Variants in VWC2 observed in about 807,000 individuals in gnomAD.
VWC2 encodes the protein brorin.
VWC2 carries 14 observed loss-of-function variants against 29.8 expected under a neutral mutation model. That is an observed-to-expected ratio of 0.47 (90% CI 0.31 to 0.74). The LOEUF is 0.74. VWC2 is among the 30% of genes least tolerant of loss of function. The pLI, the probability that VWC2 is intolerant of heterozygous loss-of-function variation, is 0.05. For missense variants in VWC2, 457 were observed against 459.8 expected (o/e 0.99, Z 0.05); for synonymous variants, 213 against 199.0 (o/e 1.07, Z -0.59).
chr7:49,784,311 GT>G (rs1788247428), intron 2 of VWC2, among the ~76,000 whole-genome samples: 1 of 152,254 alleles, frequency 6.6e-6, no homozygotes, highest in South Asian at 2.1e-4. Context: ...AGTCTCCATT[GT>G]CTGTCATTTC....
intron 3 of VWC2, among the ~76,000 whole-genome samples, chr7:49,859,571 C>T (rs1425068028): frequency 2.0e-5 from 3 of 152,204 alleles, no homozygotes; most frequent in African/African-American, 7.2e-5. Flanking sequence ...CATGTGGCTA[C>T]TTTTACATAT....
At chr7:49,806,591 G>A (rs17133507) in intron 3 of VWC2, among the ~76,000 whole-genome samples, 16,769 of 152,162 alleles carry the variant, frequency 0.11, 992 homozygotes, top group African/African-American at 0.13. Context: ...TTAAACATAC[G>A]TTCATGGGAA....
At chr7:49,850,124 G>C (rs1790117905) in intron 3 of VWC2, among the ~76,000 whole-genome samples, 1 of 152,166 alleles carries the variant, frequency 6.6e-6, no homozygotes, top group East Asian at 1.9e-4. Flanking sequence ...GCATGGTGCT[G>C]CAGGAAAACA....
chr7:49,836,162 A>AT (rs1387441252), intron 3 of VWC2, among the ~76,000 whole-genome samples: 3 of 152,192 alleles, frequency 2.0e-5, no homozygotes, highest in Non-Finnish European at 4.4e-5. Context: ...TGGATAGAAT[A>AT]TTTTAGGCAG....
intron 2 of VWC2, among the ~76,000 whole-genome samples, chr7:49,785,814 T>C (rs1381439262): frequency 6.6e-6 from 1 of 152,088 alleles, no homozygotes; most frequent in Non-Finnish European, 1.5e-5. Context: ...CTTTATACAA[T>C]AGAGAGCTGA....
At chr7:49,779,113 C>A (rs558479989) in intron 2 of VWC2, among the ~76,000 whole-genome samples, 2 of 152,130 alleles carry the variant, frequency 1.3e-5, no homozygotes, top group Non-Finnish European at 2.9e-5. Flanking sequence ...GCTTGACCCT[C>A]TTTGAGCAGT....
At position 49,830,967 on chromosome 7, in the gene VWC2, C is replaced by T. The variant is rs113914893; in HGVS notation, c.826+28127C>T. Among the ~76,000 whole-genome samples, 941 of 152,146 alleles carry T rather than the reference C, an allele frequency of 6.2e-3. 12 individuals carry two copies. The highest frequency in any genetic ancestry group is 0.021 in the African/African-American group (853 of 41,474). On this transcript the variant is annotated intron_variant, in intron 3 of 3. Transcript: ENST00000340652. The stretch of plus-strand genomic sequence containing the variant: ...AAGTCTTTGCTATTGTGAATAGTGC[C>T]GCACTATTTCTTTCTATTCAGTTGT...
intron 2 of VWC2, among the ~76,000 whole-genome samples, chr7:49,796,998 C>T (rs1293848821): frequency 2.6e-5 from 4 of 152,126 alleles, no homozygotes. Flanking sequence ...CTCTATTACC[C>T]ACTCCTACTT....
Position 49,913,472 on chromosome 7 carries a change from AACTATAATC to A in VWC2, c.*1293_*1301del, listed in dbSNP as rs1562771820. On this transcript the variant is annotated 3_prime_UTR_variant, in exon 4 of 4. Transcript: ENST00000340652. ...AATAGGTGTAGGATAAAAAAAGCAA[AACTATAATC>A]ACTATTAATGTCTTTAAAGGATTAA... The A allele has an allele frequency of 6.6e-6, 1 of 152,216 alleles. No homozygotes were observed. Among genetic ancestry groups the A allele is most frequent in the African/African-American group, 2.4e-5 (1 of 41,458 alleles). 9.4% of individuals were successfully genotyped at this position (152,216 alleles called of 1,614,324 possible).
intron 3 of VWC2, among the ~76,000 whole-genome samples, chr7:49,822,551 G>A (rs1265009657): frequency 6.6e-6 from 1 of 152,144 alleles, no homozygotes; most frequent in Non-Finnish European, 1.5e-5. Flanking sequence ...TGATTCTCCT[G>A]CCTCAGCCTC....
intron 3 of VWC2, among the ~76,000 whole-genome samples, chr7:49,896,461 T>A (rs6957719): frequency 0.77 from 116,405 of 152,086 alleles, 44,727 homozygotes; most frequent in East Asian, 0.89. Flanking sequence ...AAATCAATAA[T>A]TAAGTTCCTA....
rs528625455 is a variant in VWC2, at chr7:49,880,556, A to AT, written c.827-31472dup. ...TTTTCATCAATTTTTATAAATTGTG[A>AT]TTTTTTATCATTTCTATTTTTTATT... On this transcript the variant is annotated intron_variant, in intron 3 of 3. Coordinates refer to ENST00000340652, the MANE Select transcript of VWC2 (RefSeq NM_198570.5). Among the ~76,000 whole-genome samples the AT allele has an allele frequency of 2.5e-4, 38 of 151,044 alleles. No individual in the cohort carries two copies. In the East Asian group the frequency reaches 6.0e-3, roughly 24 times the overall value.
At chr7:49,818,536 C>A (rs965031476) in intron 3 of VWC2, among the ~76,000 whole-genome samples, 1 of 151,916 alleles carries the variant, frequency 6.6e-6, no homozygotes, top group African/African-American at 2.4e-5. Flanking sequence ...AGGTGCTGAT[C>A]GCCTTTCCCC....
At chr7:49,818,634 G>A (rs1465119480) in intron 3 of VWC2, among the ~76,000 whole-genome samples, 1 of 151,790 alleles carries the variant, frequency 6.6e-6, no homozygotes, top group Admixed American at 6.6e-5. Context: ...AGCTGGATCT[G>A]GCTAGACCTG....
intron 2 of VWC2, among the ~76,000 whole-genome samples, chr7:49,782,138 A>G (rs1485156639): frequency 6.6e-6 from 1 of 152,234 alleles, no homozygotes; most frequent in East Asian, 1.9e-4. Flanking sequence ...TCTTACAAAA[A>G]TGAAATGATT....
chr7:49,855,068 C>T (rs773249280), intron 3 of VWC2, among the ~76,000 whole-genome samples: 4 of 151,988 alleles, frequency 2.6e-5, no homozygotes, highest in African/African-American at 2.4e-5. Flanking sequence ...ATTTGAAAAT[C>T]GAAAAATAAA....
intron 2 of VWC2, among the ~76,000 whole-genome samples, chr7:49,799,596 T>G (rs1247726943): frequency 4.6e-5 from 7 of 152,250 alleles, no homozygotes; most frequent in Middle Eastern, 6.3e-3. Flanking sequence ...AGGTGAGGCC[T>G]GATTGGCGAT....
At chr7:49,810,894 T>G (rs969920426) in intron 3 of VWC2, among the ~76,000 whole-genome samples, 2 of 152,154 alleles carry the variant, frequency 1.3e-5, no homozygotes, top group Admixed American at 6.5e-5. Flanking sequence ...TAAATGTGAG[T>G]GTTTAAACTA....
At chr7:49,831,875 A>C (rs1053414776) in intron 3 of VWC2, among the ~76,000 whole-genome samples, 1 of 152,246 alleles carries the variant, frequency 6.6e-6, no homozygotes. Flanking sequence ...CTTAGGCAAA[A>C]AGAGTTTCTT....
Sources: gnomAD v4.1 joint callset for allele counts (sites outside exome capture counted in the v4.1 genomes callset) on GRCh38, gnomAD v4.1.1 for gene constraint, MANE v1.5 for transcripts, NCBI Gene and HGNC (gene_info 2026-07-23, HGNC 2026-07-21) for gene names.